Variants in MBNL1 observed in about 807,000 individuals in gnomAD.
MBNL1 encodes the protein muscleblind-like protein 1.
A neutral mutation model predicts 42.2 loss-of-function variants in MBNL1; 8 were observed. That is an observed-to-expected ratio of 0.19 (90% CI 0.11 to 0.34). MBNL1 has a LOEUF of 0.34. MBNL1 is among the 10% of genes least tolerant of loss of function. The probability of loss-of-function intolerance (pLI) is 1.00; values close to 1 mark genes in which losing one functional copy is unlikely to be tolerated. For synonymous variants in MBNL1, 169 were observed against 173.9 expected, an observed-to-expected ratio of 0.97 and a Z score of 0.22; for missense variants, 309 against 495.3, an observed-to-expected ratio of 0.62 and a Z score of 3.57.
At chr3:152,396,134 T>C in intron 2 of MBNL1, 1 of 331,046 alleles carries the variant, frequency 3.0e-6, no homozygotes, top group South Asian at 2.4e-5. Flanking sequence ...ATCTAATGCC[T>C]GATGATCAGT....
At chr3:152,367,291 T>TC (rs1285553524) in intron 2 of MBNL1, among the ~76,000 whole-genome samples, 1 of 151,942 alleles carries the variant, frequency 6.6e-6, no homozygotes. Flanking sequence ...GTTTTTCTGT[T>TC]CCTGTGTTAG....
At chr3:152,363,464 G>C (rs2096137556) in intron 2 of MBNL1, among the ~76,000 whole-genome samples, 1 of 152,194 alleles carries the variant, frequency 6.6e-6, no homozygotes, top group Non-Finnish European at 1.5e-5. Context: ...TAGAAGAGCA[G>C]TTCATGGAAG....
intron 1 of MBNL1, chr3:152,299,018 G>T (rs2151441620): frequency 6.6e-6 from 1 of 152,660 alleles, no homozygotes; most frequent in South Asian, 2.1e-4. Flanking sequence ...CCACATGCTC[G>T]TCCTCTTGCA....
chr3:152,451,453 C>T (rs957613011), intron 6 of MBNL1, among the ~76,000 whole-genome samples: 2 of 152,126 alleles, frequency 1.3e-5, no homozygotes, highest in Non-Finnish European at 2.9e-5. Flanking sequence ...CTCCCTTCCT[C>T]TGTCCTTCAG....
At chr3:152,287,683 G>A (rs1195827190) in intron 1 of MBNL1, among the ~76,000 whole-genome samples, 5 of 152,088 alleles carry the variant, frequency 3.3e-5, no homozygotes, top group Admixed American at 1.3e-4. Flanking sequence ...AGAAACAAAT[G>A]TTGCCGTTAA....
chr3:152,374,662 A>G (rs1361793896), intron 2 of MBNL1, among the ~76,000 whole-genome samples: 3 of 152,350 alleles, frequency 2.0e-5, no homozygotes, highest in South Asian at 2.1e-4. Context: ...AATAATCTAG[A>G]TCACATTTGC....
intron 1 of MBNL1, among the ~76,000 whole-genome samples, chr3:152,291,331 C>T (rs2055833099): frequency 6.6e-6 from 1 of 152,156 alleles, no homozygotes; most frequent in Non-Finnish European, 1.5e-5. Flanking sequence ...CCACATAAAT[C>T]TGTTTCGAAT....
At chr3:152,301,544 C>T (rs565722192) in intron 2 of MBNL1, among the ~76,000 whole-genome samples, 32 of 152,170 alleles carry the variant, frequency 2.1e-4, no homozygotes, top group Admixed American at 5.9e-4. Context: ...GTTCATTTTG[C>T]TAAAGTTTTT....
chr3:152,421,559 G>A (rs1432146763), intron 3 of MBNL1, among the ~76,000 whole-genome samples: 3 of 152,160 alleles, frequency 2.0e-5, no homozygotes, highest in Non-Finnish European at 4.4e-5. Flanking sequence ...AGTTTAAACT[G>A]GGTGCAGAAA....
chr3:152,320,393 C>G (rs1383450220), intron 2 of MBNL1, among the ~76,000 whole-genome samples: 5 of 152,108 alleles, frequency 3.3e-5, no homozygotes, highest in African/African-American at 1.2e-4. Flanking sequence ...ACAGGCCTTT[C>G]CCTGGACTCA....
At chr3:152,330,294 A>G (rs1319424956) in intron 2 of MBNL1, among the ~76,000 whole-genome samples, 1 of 152,146 alleles carries the variant, frequency 6.6e-6, no homozygotes, top group Non-Finnish European at 1.5e-5. Flanking sequence ...TACTTTAAAT[A>G]AAGTAGATAA....
intron 2 of MBNL1, among the ~76,000 whole-genome samples, chr3:152,366,135 G>GT (rs2096352543): frequency 6.6e-6 from 1 of 152,102 alleles, no homozygotes; most frequent in Admixed American, 6.6e-5. Flanking sequence ...AAAAAAAAGA[G>GT]TAATTTTGTT....
At chr3:152,317,232 T>C (rs555845655) in intron 2 of MBNL1, among the ~76,000 whole-genome samples, 26 of 152,272 alleles carry the variant, frequency 1.7e-4, no homozygotes, top group African/African-American at 6.3e-4. Context: ...TTTTAAAAGA[T>C]TCTTATAAAT....
chr3:152,313,576 A>G (rs544917040), intron 2 of MBNL1, among the ~76,000 whole-genome samples: 2 of 152,316 alleles, frequency 1.3e-5, no homozygotes, highest in South Asian at 4.1e-4. Context: ...TACTCCATAG[A>G]TACTAACGGT....
chr3:152,300,106 A>G lies in MBNL1; in HGVS notation c.-88A>G, dbSNP rs1172936761. On this transcript the variant is annotated 5_prime_UTR_variant, in exon 2 of 10. Transcript: ENST00000324210. ...GAGGGGACATTTTCATCATCAGTTC[A>G]GCTTTTTTTTTTTGGTTGTTGCTCT... 2 of 791,096 alleles carry G rather than the reference A, an allele frequency of 2.5e-6. No individual in the cohort carries two copies. Among genetic ancestry groups the G allele is most frequent in the Non-Finnish European group, 4.0e-6 (2 of 500,080 alleles). The allele number at this position is 791,096 out of a possible 1,614,324, so 49.0% of individuals were successfully genotyped here. A position where few individuals can be genotyped will look rare whatever the true frequency, so the allele number is the denominator to read the frequency against.
At chr3:152,288,053 CTTTA>C (rs1553778459) in intron 1 of MBNL1, among the ~76,000 whole-genome samples, 1 of 152,134 alleles carries the variant, frequency 6.6e-6, no homozygotes, top group Non-Finnish European at 1.5e-5. Context: ...AGAAGCCTAA[CTTTA>C]TTTATACTCT....
intron 1 of MBNL1, chr3:152,269,491 C>G: frequency 2.2e-6 from 1 of 454,834 alleles, no homozygotes; most frequent in Non-Finnish European, 4.4e-6. Flanking sequence ...CGCGGGTCTT[C>G]CCGGCGGCTC....
intron 1 of MBNL1, among the ~76,000 whole-genome samples, chr3:152,297,703 C>G (rs1194502043): frequency 6.6e-6 from 1 of 152,000 alleles, no homozygotes; most frequent in African/African-American, 2.4e-5. Flanking sequence ...GTCACCCAAG[C>G]TGGAGTGCAG....
At chr3:152,448,808 T>C (rs1488731110) in intron 6 of MBNL1, among the ~76,000 whole-genome samples, 1 of 152,166 alleles carries the variant, frequency 6.6e-6, no homozygotes, top group Admixed American at 6.5e-5. Flanking sequence ...ATAAGTTTTA[T>C]ACAGTACATA....
Sources: gnomAD v4.1 joint callset for allele counts (sites outside exome capture counted in the v4.1 genomes callset) on GRCh38, gnomAD v4.1.1 for gene constraint, MANE v1.5 for transcripts, NCBI Gene and HGNC (gene_info 2026-07-23, HGNC 2026-07-21) for gene names.